Variants in MBOAT2 observed in about 807,000 individuals in gnomAD.
MBOAT2 encodes membrane-bound glycerophospholipid O-acyltransferase 2.
In MBOAT2, 28 loss-of-function variants were observed where a neutral mutation model predicts 63.4. The observed-to-expected ratio is 0.44, with a 90% confidence interval of 0.33 to 0.61. MBOAT2 has a LOEUF of 0.61. Ranked by LOEUF, MBOAT2 falls within the 20% of genes least tolerant of loss-of-function variation. The probability of loss-of-function intolerance (pLI) is 0.03; values close to 1 mark genes in which losing one functional copy is unlikely to be tolerated. For synonymous variants in MBOAT2, 211 were observed against 215.6 expected, an observed-to-expected ratio of 0.98 and a Z score of 0.19; for missense variants, 470 against 605.8, an observed-to-expected ratio of 0.78 and a Z score of 2.35.
intron 1 of MBOAT2, among the ~76,000 whole-genome samples, chr2:8,990,729 T>C (rs1573265427): frequency 6.6e-6 from 1 of 152,334 alleles, no homozygotes; most frequent in Admixed American, 6.5e-5. Context: ...GATTAACATA[T>C]CAGAATTTCC....
intron 1 of MBOAT2, among the ~76,000 whole-genome samples, chr2:8,978,417 A>C (rs999706743): frequency 1.3e-5 from 2 of 152,162 alleles, no homozygotes; most frequent in African/African-American, 4.8e-5. Context: ...CATTATATAA[A>C]ATGATCTTGT....
At chr2:8,911,148 A>G (rs925917199) in intron 3 of MBOAT2, among the ~76,000 whole-genome samples, 2 of 152,176 alleles carry the variant, frequency 1.3e-5, no homozygotes, top group Admixed American at 6.5e-5. Context: ...GCTGATCATC[A>G]CTGGATACTA....
intron 9 of MBOAT2, among the ~76,000 whole-genome samples, chr2:8,865,567 AAT>A (rs1374875755): frequency 2.0e-5 from 3 of 152,136 alleles, no homozygotes; most frequent in Non-Finnish European, 4.4e-5. Context: ...CTAATCACTA[AAT>A]ATGTTTTACT....
chr2:8,876,304 A>G (rs183316394), intron 7 of MBOAT2, among the ~76,000 whole-genome samples: 6 of 152,312 alleles, frequency 3.9e-5, no homozygotes, highest in Admixed American at 3.9e-4. Context: ...TCTACTGCCA[A>G]CCTGGGGAAT....
At position 9,003,492 on chromosome 2, in the gene MBOAT2, G is replaced by T. The variant is rs1201769665; in HGVS notation, c.75+48C>A. 1 of 1,145,280 alleles carries T rather than the reference G, an allele frequency of 8.7e-7. No individual in the cohort carries two copies. 70.9% of individuals were successfully genotyped at this position (1,145,280 alleles called of 1,614,324 possible). On this transcript the variant is annotated intron_variant, in intron 1 of 12. Transcript: ENST00000305997. The surrounding 1 kb of genome is among the most constrained non-coding windows in gnomAD (Gnocchi z 5.4). The stretch of plus-strand genomic sequence containing the variant: ...CCCGGTCGGGTGGCACCGCGGCGGG[G>T]AGGGGCGGCGAGGGCGCGACGCCCG...
intron 6 of MBOAT2, among the ~76,000 whole-genome samples, chr2:8,880,085 C>T (rs1175481864): frequency 6.6e-6 from 1 of 151,868 alleles, no homozygotes; most frequent in Non-Finnish European, 1.5e-5. Flanking sequence ...GGATTTTCAT[C>T]AGGGGACAGG....
chr2:8,930,805 G>A (rs1667263429), intron 3 of MBOAT2, among the ~76,000 whole-genome samples: 1 of 152,000 alleles, frequency 6.6e-6, no homozygotes, highest in Non-Finnish European at 1.5e-5. Context: ...CATGGCACAG[G>A]TATACATATG....
intron 4 of MBOAT2, among the ~76,000 whole-genome samples, chr2:8,907,327 T>C (rs1327584216): frequency 1.3e-5 from 2 of 152,260 alleles, no homozygotes; most frequent in East Asian, 1.9e-4. Flanking sequence ...ATATATTTAA[T>C]GCCATCGTGT....
intron 2 of MBOAT2, among the ~76,000 whole-genome samples, chr2:8,948,947 T>C (rs191349353): frequency 1.3e-5 from 2 of 152,308 alleles, no homozygotes; most frequent in Non-Finnish European, 2.9e-5. Context: ...ACTAACTTAC[T>C]TTCCCAACGT....
chr2:8,900,178 G>T (rs1664808249), intron 4 of MBOAT2, among the ~76,000 whole-genome samples: 1 of 152,210 alleles, frequency 6.6e-6, no homozygotes, highest in Admixed American at 6.5e-5. Context: ...TACGACTCCA[G>T]TCCCCATGAT....
chr2:8,958,666 G>A (rs764443471), intron 1 of MBOAT2, 24 bp from the exon 2 acceptor site: 111 of 1,538,792 alleles, frequency 7.2e-5, no homozygotes, highest in Non-Finnish European at 9.3e-5. Context: ...TTAAAATTTT[G>A]TATTAGCAAC....
rs771802445 is a variant in MBOAT2, at chr2:8,864,237, G to GA, written c.988-4dup. On this transcript the variant is annotated splice_region_variant and splice_polypyrimidine_tract_variant and intron_variant, in intron 9 of 12. Coordinates refer to ENST00000305997, the MANE Select transcript of MBOAT2 (RefSeq NM_138799.4). The stretch of plus-strand genomic sequence containing the variant: ...AACATCTTGAAACTTGTTGACATCT[G>GA]AAAAAAAAGGAAACTTTTTTCTTTG... 8.7e-5 allele frequency: 133 copies of GA among 1,532,350 alleles called. No individual in the cohort carries two copies. The highest frequency in any genetic ancestry group is 4.1e-4 in the Admixed American group (19 of 46,014). The allele number at this position is 1,532,350 out of a possible 1,614,324, so 94.9% of individuals were successfully genotyped here. A position where few individuals can be genotyped will look rare whatever the true frequency, so the allele number is the denominator to read the frequency against.
At chr2:8,868,914 T>C (rs1045977839) in intron 8 of MBOAT2, among the ~76,000 whole-genome samples, 3 of 152,230 alleles carry the variant, frequency 2.0e-5, no homozygotes, top group Non-Finnish European at 4.4e-5. Context: ...ATGTTTTTGC[T>C]CTGGGAGCAC....
chr2:8,927,153 C>T (rs180757515), intron 3 of MBOAT2, among the ~76,000 whole-genome samples: 19 of 152,130 alleles, frequency 1.2e-4, no homozygotes, highest in Admixed American at 6.5e-5. Context: ...ATGAGCAGGG[C>T]GAGACACGGG....
chr2:8,878,095 G>A (rs1016049583), intron 6 of MBOAT2, among the ~76,000 whole-genome samples: 9 of 152,222 alleles, frequency 5.9e-5, no homozygotes, highest in African/African-American at 2.2e-4. Flanking sequence ...ATGGCTGGAG[G>A]AGGGGGCAGA....
intron 7 of MBOAT2, among the ~76,000 whole-genome samples, chr2:8,876,394 G>A (rs1235680516): frequency 2.6e-5 from 4 of 152,232 alleles, no homozygotes. Flanking sequence ...TGAATGCTGT[G>A]AAGGCTGAAA....
At chr2:8,922,159 C>A (rs1472981422) in intron 3 of MBOAT2, among the ~76,000 whole-genome samples, 1 of 152,130 alleles carries the variant, frequency 6.6e-6, no homozygotes, top group East Asian at 1.9e-4. Flanking sequence ...CTGTGTAGCA[C>A]TTATCATGAA....
chr2:8,904,514 T>G (rs1243585549), intron 4 of MBOAT2, among the ~76,000 whole-genome samples: 1 of 152,082 alleles, frequency 6.6e-6, no homozygotes, highest in Non-Finnish European at 1.5e-5. Flanking sequence ...TTTCACCATG[T>G]TGCCCAGGCT....
At chr2:8,878,028 A>G (rs1273915986) in intron 6 of MBOAT2, among the ~76,000 whole-genome samples, 3 of 152,216 alleles carry the variant, frequency 2.0e-5, no homozygotes, top group African/African-American at 7.2e-5. Flanking sequence ...GATCTGTCTC[A>G]ATGCGTCACT....
Sources: gnomAD v4.1 joint callset for allele counts (sites outside exome capture counted in the v4.1 genomes callset) on GRCh38, gnomAD v4.1.1 for gene constraint, Gnocchi (gnomAD v3.1) non-coding constraint, MANE v1.5 for transcripts, NCBI Gene and HGNC (gene_info 2026-07-23, HGNC 2026-07-21) for gene names.